MYCBP2: variants seen among roughly 807,000 people sequenced by gnomAD.
MYCBP2 encodes MYC binding protein 2.
Under a neutral mutation model 525.3 loss-of-function variants are expected in MYCBP2, and 120 were observed. The ratio of observed to expected loss-of-function variants is 0.23; its 90% CI spans 0.20 to 0.27. MYCBP2 has a LOEUF of 0.27. Ranked by LOEUF, MYCBP2 falls within the 10% of genes least tolerant of loss-of-function variation. The pLI, the probability that MYCBP2 is intolerant of heterozygous loss-of-function variation, is 1.00. For synonymous variants in MYCBP2, 1,894 were observed against 1,955.8 expected (o/e 0.97, Z 0.83); for missense variants, 4,149 against 5,657.1 (o/e 0.73, Z 8.55).
chr13:77,262,018 G>C, intron 11 of MYCBP2, 35 bp downstream of exon 11: 1 of 1,532,952 alleles, frequency 6.5e-7, no homozygotes. Context: ...TTAAATCAGA[G>C]AATGCTCATT....
intron 18 of MYCBP2, among the ~76,000 whole-genome samples, chr13:77,230,303 A>G (rs2066954122): frequency 6.6e-6 from 1 of 152,228 alleles, no homozygotes; most frequent in Admixed American, 6.5e-5. Flanking sequence ...TATAATTTGT[A>G]CCAACATAAT....
intron 26 of MYCBP2, among the ~76,000 whole-genome samples, chr13:77,202,427 A>G (rs2062733009): frequency 6.6e-6 from 1 of 152,220 alleles, no homozygotes; most frequent in African/African-American, 2.4e-5. Flanking sequence ...AAAAGAGTCC[A>G]GGACCAGATG....
chr13:77,257,204 TAGAG>T (rs956058479), intron 14 of MYCBP2, among the ~76,000 whole-genome samples: 1 of 152,002 alleles, frequency 6.6e-6, no homozygotes, highest in Non-Finnish European at 1.5e-5. Context: ...CTCATGAAGA[TAGAG>T]AGTACAATGC....
rs945173905 is a variant in MYCBP2 at position 77,206,825 on chromosome 13, C to T, written c.3417G>A (p.Arg1139=). The T allele has an allele frequency of 1.3e-6, 2 of 1,578,312 alleles. No homozygotes were observed. Among genetic ancestry groups the T allele is most frequent in the Non-Finnish European group, 1.7e-6 (2 of 1,164,068 alleles). Residue 1139 remains arginine, a splice_region_variant and synonymous_variant, in exon 24 of 83, where the codon AGG becomes AGA. Transcript: ENST00000544440. ...ACAGCTCTCTAGTATTTGGTCGAAA[C>T]CTTTAAAGAAAAAGAATAATTACAG... ...CLDPVYDVIW[R]FRPNTRELWC...
intron 10 of MYCBP2, among the ~76,000 whole-genome samples, 169 bp from the exon 11 acceptor site, chr13:77,262,298 T>G (rs1334961180): frequency 6.6e-6 from 1 of 152,048 alleles, no homozygotes; most frequent in Non-Finnish European, 1.5e-5. Flanking sequence ...GGTATAGTAC[T>G]CCAAGGAAAG....
intron 1 of MYCBP2, among the ~76,000 whole-genome samples, chr13:77,304,726 T>C (rs1335357841): frequency 6.6e-6 from 1 of 152,126 alleles, no homozygotes; most frequent in East Asian, 1.9e-4. Context: ...TTATACCCCA[T>C]GTATAAGTAC....
chr13:77,091,765 A>G (rs1449034005), intron 59 of MYCBP2, among the ~76,000 whole-genome samples: 1 of 151,986 alleles, frequency 6.6e-6, no homozygotes, highest in Non-Finnish European at 1.5e-5. Flanking sequence ...TCTGTCACCT[A>G]GGCTGAAGTG....
intron 17 of MYCBP2, among the ~76,000 whole-genome samples, chr13:77,236,934 A>C (rs1459578349): frequency 6.6e-6 from 1 of 152,166 alleles, no homozygotes; most frequent in African/African-American, 2.4e-5. Context: ...AGAGGAAAAC[A>C]CTACTCTTAT....
chr13:77,093,894 A>G (rs1451521861), intron 58 of MYCBP2, among the ~76,000 whole-genome samples: 3 of 152,166 alleles, frequency 2.0e-5, no homozygotes, highest in African/African-American at 7.2e-5. Context: ...CATTCCCCAG[A>G]CAGCTAAAAA....
chr13:77,306,764 A>G (rs2079475114), intron 1 of MYCBP2, among the ~76,000 whole-genome samples: 1 of 152,188 alleles, frequency 6.6e-6, no homozygotes, highest in African/African-American at 2.4e-5. Context: ...GAGAACAACA[A>G]GAGGAATGAG....
At chr13:77,261,073 T>C (rs2073186176) in intron 12 of MYCBP2, 98 bp downstream of exon 12, 1 of 865,298 alleles carries the variant, frequency 1.2e-6, no homozygotes, top group Non-Finnish European at 1.7e-6. Context: ...GTTGGTGTGG[T>C]GTTATTGAAA....
rs748861514 is a variant in MYCBP2, at chr13:77,264,002, T to A, written c.1358A>T (p.Asp453Val). ...AATATTTTGACCTTCAGTGTGGCAA[T>A]CTGTGCAAAAGAAAAAGTATTTATA... Reference protein sequence around the residue: ...LEQDGTVMLPDCHTEGQNILF... With the variant: ...LEQDGTVMLPVCHTEGQNILF... Residue 453 changes from aspartate (D) to valine (V), a missense_variant and splice_region_variant, in exon 9 of 83, where the codon GAT becomes GTT. Asp to Val is a radical substitution (Grantham distance 152). Around this residue, in one of 21 missense-constraint regions of MYCBP2, gnomAD observed 262 missense variants for 419.3 expected, o/e 0.62. Coordinates refer to ENST00000544440, the MANE Select transcript of MYCBP2 (RefSeq NM_015057.5). 6.2e-7 allele frequency: 1 copy of A among 1,611,430 alleles called. No homozygotes were observed. Among genetic ancestry groups the A allele is most frequent in the East Asian group, 2.2e-5 (1 of 44,770 alleles).
chr13:77,257,040 A>G (rs557537859), intron 14 of MYCBP2, among the ~76,000 whole-genome samples: 1 of 152,316 alleles, frequency 6.6e-6, no homozygotes, highest in South Asian at 2.1e-4. Flanking sequence ...ACAAGGTAGT[A>G]CTATTTAACC....
At chr13:77,137,875 C>A (rs909339653) in intron 52 of MYCBP2, among the ~76,000 whole-genome samples, 1 of 152,042 alleles carries the variant, frequency 6.6e-6, no homozygotes, top group Non-Finnish European at 1.5e-5. Context: ...TGAGCCACCT[C>A]GCCTGGCTCT....
At position 77,204,242 on chromosome 13, in the gene MYCBP2, T is replaced by C. The variant is rs1338337210; in HGVS notation, c.3843+1014A>G. Among the ~76,000 whole-genome samples, 182 of 152,036 alleles carry C rather than the reference T, an allele frequency of 1.2e-3. 1 individual carries two copies. Among genetic ancestry groups the C allele is most frequent in the Non-Finnish European group, 2.2e-3 (151 of 67,946 alleles). ...CCCATCAAAAAGTGGGTGAAGGACA[T>C]GAACAGACACTTCTCAAAAGAAGAC... On this transcript the variant is annotated intron_variant, in intron 26 of 82. Transcript: ENST00000544440.
At chr13:77,116,082 CT>C (rs2049699808) in intron 55 of MYCBP2, among the ~76,000 whole-genome samples, 1 of 151,800 alleles carries the variant, frequency 6.6e-6, no homozygotes, top group African/African-American at 2.4e-5. Flanking sequence ...ATCATTTATC[CT>C]CTCTAAGCCT....
At position 77,177,619 on chromosome 13, in the gene MYCBP2, G is replaced by A. The variant is rs550265976; in HGVS notation, c.5340+129C>T. ...TTACAGGTGTGAGCCACTGTGGCCA[G>A]TCTTTTTCAATTTCTTTAGTGTCAT... On this transcript the variant is annotated intron_variant, in intron 35 of 82. Coordinates refer to ENST00000544440, the MANE Select transcript of MYCBP2 (RefSeq NM_015057.5). The A allele has an allele frequency of 2.9e-5, 23 of 782,206 alleles. No individual in the cohort carries two copies. The South Asian group carries it at 3.8e-4, about 13-fold the overall frequency. 48.5% of individuals were successfully genotyped at this position (782,206 alleles called of 1,614,324 possible).
intron 71 of MYCBP2, 43 bp downstream of exon 71, chr13:77,067,538 C>T (rs777592284): frequency 1.3e-5 from 20 of 1,577,638 alleles, no homozygotes; most frequent in Admixed American, 1.7e-5. Flanking sequence ...AACAGTAGCT[C>T]ACTCTATTCT....
chr13:77,083,962 T>G (rs1302063373), intron 62 of MYCBP2, among the ~76,000 whole-genome samples: 1 of 152,184 alleles, frequency 6.6e-6, no homozygotes, highest in Non-Finnish European at 1.5e-5. Context: ...ATCTGTGTTC[T>G]TTTAACAATA....
Sources: gnomAD v4.1 joint callset for allele counts (sites outside exome capture counted in the v4.1 genomes callset) on GRCh38, gnomAD v4.1.1 for gene constraint, gnomAD v4.1.1 regional missense constraint, MANE v1.5 for transcripts, NCBI Gene and HGNC (gene_info 2026-07-23, HGNC 2026-07-21) for gene names.